UBE4B: variants seen among roughly 807,000 people sequenced by gnomAD.
UBE4B encodes ubiquitin conjugation factor E4 B.
In UBE4B, 27 loss-of-function variants were observed where a neutral mutation model predicts 148.1. That is an observed-to-expected ratio of 0.18 (90% CI 0.13 to 0.25). The LOEUF (loss-of-function observed/expected upper bound fraction) is 0.25. Ranked by LOEUF, UBE4B falls within the 10% of genes least tolerant of loss-of-function variation. UBE4B has a pLI of 1.00. For synonymous variants in UBE4B, 596 were observed against 619.3 expected (o/e 0.96, Z 0.56); for missense variants, 1,170 against 1,662.4 (o/e 0.70, Z 5.15).
intron 2 of UBE4B, among the ~76,000 whole-genome samples, chr1:10,078,974 GCCTGGCT>G (rs1289481855): frequency 3.3e-5 from 5 of 152,104 alleles, no homozygotes; most frequent in Admixed American, 2.0e-4. Flanking sequence ...GCGCCACCAT[GCCTGGCT>G]AATTTTTTAA....
Position 10,058,325 on chromosome 1 carries a change from G to A in UBE4B, c.25-13703G>A, listed in dbSNP as rs1255670712. Reference sequence around the variant, plus strand: ...GATTGGAAAAATGAGATTGCAGGGTGACCGTGCCATTCTACCCCCGTCTGT... The same window carrying A: ...GATTGGAAAAATGAGATTGCAGGGTAACCGTGCCATTCTACCCCCGTCTGT... On this transcript the variant is annotated intron_variant, in intron 1 of 27. Coordinates refer to ENST00000343090, the MANE Select transcript of UBE4B (RefSeq NM_001105562.3). Among the ~76,000 whole-genome samples the A allele has an allele frequency of 3.3e-5, 5 of 152,292 alleles. No individual in the cohort carries two copies. The East Asian group carries it at 9.7e-4, about 29-fold the overall frequency.
At chr1:10,113,793 G>T (rs1010051100) in intron 7 of UBE4B, among the ~76,000 whole-genome samples, 1 of 152,200 alleles carries the variant, frequency 6.6e-6, no homozygotes, top group Middle Eastern at 3.4e-3. Context: ...TCGGCCGGAC[G>T]CAGTGGCTCA....
intron 21 of UBE4B, among the ~76,000 whole-genome samples, chr1:10,152,108 A>G (rs1341714613): frequency 6.6e-6 from 1 of 151,670 alleles, no homozygotes; most frequent in African/African-American, 2.4e-5. Context: ...AATAGAAAAA[A>G]AAATTAAATT....
intron 15 of UBE4B, 27 bp from the exon 16 acceptor site, chr1:10,134,961 A>G (rs764986947): frequency 1.2e-6 from 2 of 1,606,468 alleles, no homozygotes; most frequent in Admixed American, 1.7e-5. Flanking sequence ...AATGTTTAAA[A>G]ATACTTTTTC....
At chr1:10,068,237 CAGG>C (rs1644422168) in intron 1 of UBE4B, among the ~76,000 whole-genome samples, 2 of 152,034 alleles carry the variant, frequency 1.3e-5, no homozygotes, top group African/African-American at 4.8e-5. Context: ...GTATGCTGGC[CAGG>C]CCGGTCTCAA....
chr1:10,075,867 C>T (rs1330943786), intron 2 of UBE4B, among the ~76,000 whole-genome samples: 2 of 152,078 alleles, frequency 1.3e-5, no homozygotes, highest in African/African-American at 4.8e-5. Flanking sequence ...GCCTGGGCGA[C>T]ATAGCAAAAC....
intron 1 of UBE4B, chr1:10,058,574 G>C (rs1316749183): frequency 6.5e-6 from 1 of 152,796 alleles, no homozygotes; most frequent in Non-Finnish European, 1.5e-5. Flanking sequence ...CAGAGCTGGG[G>C]GAGTGGTGTG....
chr1:10,154,796 C>T (rs1033320266), intron 21 of UBE4B, among the ~76,000 whole-genome samples: 2 of 150,776 alleles, frequency 1.3e-5, no homozygotes, highest in Non-Finnish European at 1.5e-5. Context: ...GAGCCAAGAT[C>T]GTGCCATTGC....
At chr1:10,052,471 C>T (rs1357220231) in intron 1 of UBE4B, among the ~76,000 whole-genome samples, 2 of 152,172 alleles carry the variant, frequency 1.3e-5, no homozygotes, top group Non-Finnish European at 2.9e-5. Flanking sequence ...CCGGGTAGAT[C>T]ATATTGAGCA....
intron 3 of UBE4B, among the ~76,000 whole-genome samples, chr1:10,095,978 C>G (rs1336542901): frequency 1.3e-5 from 2 of 152,100 alleles, no homozygotes; most frequent in Non-Finnish European, 2.9e-5. Context: ...CAGCTGTTGG[C>G]CAGGCTGGTC....
intron 1 of UBE4B, among the ~76,000 whole-genome samples, chr1:10,040,228 G>C (rs529966687): frequency 1.3e-5 from 2 of 151,742 alleles, no homozygotes; most frequent in East Asian, 3.9e-4. Context: ...GGGTTCAAGT[G>C]ATTCTCCTGC....
intron 10 of UBE4B, among the ~76,000 whole-genome samples, chr1:10,126,338 G>GATAA (rs1553148939): frequency 6.6e-6 from 1 of 152,104 alleles, no homozygotes; most frequent in African/African-American, 2.4e-5. Flanking sequence ...TAGATAGATA[G>GATAA]ATAGATAGAT....
At chr1:10,146,747 A>G (rs188806458) in intron 18 of UBE4B, among the ~76,000 whole-genome samples, 28 of 149,668 alleles carry the variant, frequency 1.9e-4, no homozygotes, top group Admixed American at 4.0e-4. Context: ...TGTGTGCTAG[A>G]CCTGGTGGTA....
chr1:10,066,572 A>G lies in UBE4B; in HGVS notation c.25-5456A>G, dbSNP rs1275011884. Among the ~76,000 whole-genome samples the G allele has an allele frequency of 4.6e-5, 7 of 152,236 alleles. 1 individual carries two copies. The highest frequency in any genetic ancestry group is 2.6e-4 in the Admixed American group (4 of 15,282). On this transcript the variant is annotated intron_variant, in intron 1 of 27. Coordinates refer to ENST00000343090, the MANE Select transcript of UBE4B (RefSeq NM_001105562.3). ...TCATAGCATTTAATAAGTTTCAAAC[A>G]TGGCCAGCTGTGAAAAAAGAAAATA...
chr1:10,037,324 G>T (rs756405907), intron 1 of UBE4B, among the ~76,000 whole-genome samples: 1 of 152,092 alleles, frequency 6.6e-6, no homozygotes, highest in African/African-American at 2.4e-5. Flanking sequence ...ACTGTGCCCG[G>T]TAGTCTTGTG....
At position 10,072,230 on chromosome 1, in the gene UBE4B, A is replaced by G. The variant is rs377423949; in HGVS notation, c.211+16A>G. On this transcript the variant is annotated intron_variant, in intron 2 of 27. Coordinates refer to ENST00000343090, the MANE Select transcript of UBE4B (RefSeq NM_001105562.3). ...GGTGCATCAGGTAAGCCCAAGCTTC[A>G]TACCTGGGACTCTTTTGTAATTCTT... The G allele has an allele frequency of 6.2e-7, 1 of 1,603,948 alleles. No individual in the cohort carries two copies. Among genetic ancestry groups the G allele is most frequent in the Non-Finnish European group, 8.5e-7 (1 of 1,177,652 alleles).
At chr1:10,175,680 A>G (rs1168639670) in intron 25 of UBE4B, among the ~76,000 whole-genome samples, 1 of 152,068 alleles carries the variant, frequency 6.6e-6, no homozygotes, top group African/African-American at 2.4e-5. Flanking sequence ...TAAATAAAAA[A>G]GAAAATAAAA....
chr1:10,106,727 G>A lies in UBE4B; in HGVS notation c.1196+144G>A. ...ACCTGTGTGGCTAACTAGTTTGGTA[G>A]GCACGTACTCTGAGTCCATGCTTCT... On this transcript the variant is annotated intron_variant, in intron 7 of 27. Transcript: ENST00000343090. The surrounding 1 kb of genome is among the most constrained non-coding windows in gnomAD (Gnocchi z 4.2). 8.7e-7 allele frequency: 1 copy of A among 1,149,060 alleles called. No homozygotes were observed. The highest frequency in any genetic ancestry group is 1.2e-6 in the Non-Finnish European group (1 of 855,098). The allele number at this position is 1,149,060 out of a possible 1,614,324, so 71.2% of individuals were successfully genotyped here. A position where few individuals can be genotyped will look rare whatever the true frequency, so the allele number is the denominator to read the frequency against.
intron 17 of UBE4B, among the ~76,000 whole-genome samples, chr1:10,142,990 C>CG (rs1645807553): frequency 6.6e-6 from 1 of 151,968 alleles, no homozygotes. Flanking sequence ...CCCCTGTAGT[C>CG]GCCACTACTC....
Sources: allele counts gnomAD v4.1 joint callset (sites outside exome capture counted in the v4.1 genomes callset), GRCh38; gene constraint gnomAD v4.1.1; non-coding constraint Gnocchi (gnomAD v3.1); transcripts MANE v1.5; gene names NCBI Gene and HGNC (gene_info 2026-07-23, HGNC 2026-07-21).